Variants in MYLK2 observed in about 807,000 individuals in gnomAD.
MYLK2 encodes the protein myosin light chain kinase 2, skeletal/cardiac muscle.
Under a neutral mutation model 58.2 loss-of-function variants are expected in MYLK2, and 27 were observed. That is an observed-to-expected ratio of 0.46 (90% CI 0.34 to 0.64). The LOEUF is 0.64. Among genes scored for constraint, MYLK2 ranks in the 30% least tolerant of loss-of-function variants. The probability of loss-of-function intolerance (pLI) is 0.01; values close to 1 mark genes in which losing one functional copy is unlikely to be tolerated. For synonymous variants in MYLK2, 310 were observed against 296.7 expected (o/e 1.04, Z -0.46); for missense variants, 676 against 764.3 (o/e 0.88, Z 1.36).
intron 8 of MYLK2, chr20:31,828,780 G>A: frequency 2.1e-6 from 2 of 953,126 alleles, no homozygotes; most frequent in Non-Finnish European, 2.5e-6. Context: ...CCTGGGTTAG[G>A]TGTGTTAATA....
At chr20:31,819,817 T>C (rs1404807242) in intron 2 of MYLK2, among the ~76,000 whole-genome samples, 185 bp downstream of exon 2, 3 of 152,122 alleles carry the variant, frequency 2.0e-5, no homozygotes, top group Non-Finnish European at 4.4e-5. Flanking sequence ...ATGAAGCCCT[T>C]CCTGGAGAGA....
At chr20:31,826,069 C>T (rs991897659) in intron 6 of MYLK2, among the ~76,000 whole-genome samples, 21 of 152,118 alleles carry the variant, frequency 1.4e-4, no homozygotes, top group Non-Finnish European at 1.6e-4. Flanking sequence ...TTTTGTCCTG[C>T]ACCCTTGGGT....
In MYLK2 at chr20:31,834,323, A is replaced by C; in HGVS notation, c.*526A>C. ...GACAGAGCAGGCTTTGTGAGAGAGG[A>C]CCTCCATGCCCCCGCCACCTCCCCA... is the stretch of plus-strand genomic sequence containing the variant. On this transcript the variant is annotated 3_prime_UTR_variant, in exon 13 of 13. Coordinates refer to ENST00000375985, the MANE Select transcript of MYLK2 (RefSeq NM_033118.4). The C allele has an allele frequency of 6.1e-6, 1 of 163,874 alleles. No individual in the cohort carries two copies. The highest frequency in any genetic ancestry group is 1.5e-4 in the South Asian group (1 of 6,812). 10.2% of individuals were successfully genotyped at this position (163,874 alleles called of 1,614,324 possible).
At position 31,826,800 on chromosome 20, in the gene MYLK2, C is replaced by T. The variant is rs188352991; in HGVS notation, c.1086C>T (p.Ile362=). 9 of 1,614,046 alleles carry T rather than the reference C, an allele frequency of 5.6e-6. No individual in the cohort carries two copies. The highest frequency in any genetic ancestry group is 2.2e-5 in the South Asian group (2 of 91,058). ...PHEIVLFMEY[I]EGGELFERIV... is the part of the protein sequence containing the mutation. ...GTGGAGGGGTCTGTGCACACAGCAT[C>T]GAGGGCGGAGAGCTCTTCGAGAGGA... The change falls in exon 8 of 13, where the codon ATC becomes ATT. Residue 362 remains isoleucine (I), a synonymous_variant. Coordinates refer to ENST00000375985, the MANE Select transcript of MYLK2 (RefSeq NM_033118.4).
In MYLK2 at chr20:31,831,141, T is replaced by A; in HGVS notation, c.1424T>A (p.Leu475Gln). 6.2e-7 allele frequency: 1 copy of A among 1,613,994 alleles called. No homozygotes were observed. The highest frequency in any genetic ancestry group is 8.5e-7 in the Non-Finnish European group (1 of 1,179,954). The change falls in exon 10 of 13, where the codon CTG becomes CAG. Residue 475 changes from leucine (L) to glutamine (Q), a missense_variant and splice_region_variant. Around this residue, in one of 2 missense-constraint regions of MYLK2, gnomAD observed 370 missense variants for 467.8 expected, o/e 0.79. Coordinates refer to ENST00000375985, the MANE Select transcript of MYLK2 (RefSeq NM_033118.4). The stretch of plus-strand genomic sequence containing the variant: ...AGTATGGGGGTGATCACCTACATGC[T>A]GTGAGCTCCCAGGCGGGTCGTGTTT... ...MWSMGVITYM[L>Q]LSGLSPFLGD... is the part of the protein sequence containing the mutation.
At chr20:31,825,356 C>A (rs1337953915) in intron 6 of MYLK2, among the ~76,000 whole-genome samples, 7 of 152,202 alleles carry the variant, frequency 4.6e-5, no homozygotes, top group Non-Finnish European at 1.0e-4. Flanking sequence ...TCAGTACCTA[C>A]CTGCGGCTCA....
rs1322310982 is a variant in MYLK2, at chr20:31,820,197, A to C, written c.124A>C (p.Lys42Gln). Residue 42 changes from lysine to glutamine, a missense_variant, in exon 3 of 13, where the codon AAG (lysine) becomes CAG (glutamine). Transcript: ENST00000375985. Reference sequence around the variant, plus strand: ...GAAAGACCCTGGCCCCCCAGACCCAAAGAAAGCTCCGGATCCACCCACCCT... The same window carrying C: ...GAAAGACCCTGGCCCCCCAGACCCACAGAAAGCTCCGGATCCACCCACCCT... ...AGKDPGPPDP[K>Q]KAPDPPTLKK... 19 of 1,613,894 alleles carry C rather than the reference A, an allele frequency of 1.2e-5. No individual in the cohort carries two copies. Among genetic ancestry groups the C allele is most frequent in the Non-Finnish European group, 1.6e-5 (19 of 1,180,032 alleles).
intron 3 of MYLK2, among the ~76,000 whole-genome samples, chr20:31,820,854 G>C (rs568868099): frequency 6.6e-6 from 1 of 152,334 alleles, no homozygotes; most frequent in Non-Finnish European, 1.5e-5. Context: ...GTCTAGCCAA[G>C]GGCAGGGTTG....
intron 3 of MYLK2, among the ~76,000 whole-genome samples, 158 bp downstream of exon 3, chr20:31,820,704 G>A (rs766533893): frequency 1.3e-5 from 2 of 152,166 alleles, no homozygotes; most frequent in Non-Finnish European, 2.9e-5. Context: ...TGCCTCTACC[G>A]CCTTGTCCCC....
chr20:31,828,780 G>C, intron 8 of MYLK2: 2 of 953,126 alleles, frequency 2.1e-6, no homozygotes, highest in Non-Finnish European at 2.5e-6. Context: ...CCTGGGTTAG[G>C]TGTGTTAATA....
rs777459815 is a variant in MYLK2, at chr20:31,831,865, A to G, written c.1577+10A>G. ...TCGTCAAGGACCAGAGGTGAGGCTC[A>G]CCCCAGAACCTGAACTGTATGTGTG... On this transcript the variant is annotated intron_variant, in intron 11 of 12. Coordinates refer to ENST00000375985, the MANE Select transcript of MYLK2 (RefSeq NM_033118.4). 1.2e-6 allele frequency: 2 copies of G among 1,614,068 alleles called. No homozygotes were observed. Among genetic ancestry groups the G allele is most frequent in the Non-Finnish European group, 1.7e-6 (2 of 1,180,014 alleles).
intron 4 of MYLK2, among the ~76,000 whole-genome samples, 169 bp downstream of exon 4, chr20:31,821,906 C>T (rs555963939): frequency 2.0e-5 from 3 of 152,118 alleles, no homozygotes; most frequent in East Asian, 1.9e-4. Flanking sequence ...CCTTTTTTAA[C>T]GTATGTTTAT....
chr20:31,823,961 A>C (rs1388019608), intron 5 of MYLK2: 1 of 984,598 alleles, frequency 1.0e-6, no homozygotes, highest in Admixed American at 6.2e-5. Context: ...CCCAGGGCCC[A>C]GGGCCTGCCT....
chr20:31,823,692 G>T, intron 5 of MYLK2, 110 bp downstream of exon 5: 2 of 1,075,232 alleles, frequency 1.9e-6, no homozygotes, highest in Non-Finnish European at 1.4e-6. Context: ...CTGAGACATG[G>T]CCACATGGAC....
chr20:31,823,617 CAG>C, intron 5 of MYLK2, 35 bp downstream of exon 5: 2 of 1,592,250 alleles, frequency 1.3e-6, no homozygotes, highest in African/African-American at 2.7e-5. Context: ...CACTCATGGA[CAG>C]AGAGTACACC....
At position 31,823,598 on chromosome 20, in the gene MYLK2, C is replaced by A; in HGVS notation, c.878+16C>A. The A allele has an allele frequency of 6.2e-7, 1 of 1,611,198 alleles. No homozygotes were observed. The highest frequency in any genetic ancestry group is 1.1e-5 in the South Asian group (1 of 91,024). ...CGCTCGGAGGGTGAGATCTGGGACC[C>A]CAGCTGGGCACTCATGGACAGAGAG... is the stretch of plus-strand genomic sequence containing the variant. On this transcript the variant is annotated intron_variant, in intron 5 of 12. Coordinates refer to ENST00000375985, the MANE Select transcript of MYLK2 (RefSeq NM_033118.4).
intron 6 of MYLK2, among the ~76,000 whole-genome samples, 154 bp from the exon 7 acceptor site, chr20:31,826,451 C>T (rs1242786718): frequency 1.4e-5 from 2 of 147,172 alleles, no homozygotes; most frequent in African/African-American, 2.5e-5. Flanking sequence ...GTGAGGACCA[C>T]AGATGTGGGG....
intron 10 of MYLK2, 105 bp from the exon 11 acceptor site, chr20:31,831,598 C>T: frequency 7.4e-7 from 1 of 1,356,234 alleles, no homozygotes; most frequent in African/African-American, 1.4e-5. Context: ...GTCTTTTCAG[C>T]ACACGGTGCT....
rs1420598747 is a variant in MYLK2 at position 31,831,079 on chromosome 20, G to A, written c.1362G>A (p.Val454=). 1.2e-6 allele frequency: 2 copies of A among 1,614,144 alleles called. No individual in the cohort carries two copies. Among genetic ancestry groups the A allele is most frequent in the Admixed American group, 1.7e-5 (1 of 60,022 alleles). The part of the protein sequence containing the change: ...GTPEFLSPEV[V]NYDQISDKTD... ...CAGAGTTCCTGTCACCTGAGGTGGTGAATTATGACCAAATCTCCGATAAGA... is the reference window on the plus strand; with the variant it reads ...CAGAGTTCCTGTCACCTGAGGTGGTAAATTATGACCAAATCTCCGATAAGA... Residue 454 remains valine, a synonymous_variant, in exon 10 of 13, where the codon GTG becomes GTA. Transcript: ENST00000375985.
Sources: gnomAD v4.1 joint callset for allele counts (sites outside exome capture counted in the v4.1 genomes callset) on GRCh38, gnomAD v4.1.1 for gene constraint, gnomAD v4.1.1 regional missense constraint, MANE v1.5 for transcripts, NCBI Gene and HGNC (gene_info 2026-07-23, HGNC 2026-07-21) for gene names.